Variants in DNAH5 observed in about 807,000 individuals in gnomAD.
DNAH5 encodes dynein axonemal heavy chain 5, also known as axonemal beta dynein heavy chain 5.
A neutral mutation model predicts 518.2 loss-of-function variants in DNAH5; 372 were observed. The ratio of observed to expected loss-of-function variants is 0.72; its 90% CI spans 0.66 to 0.78. DNAH5 has a LOEUF of 0.78. Ranked by LOEUF, DNAH5 falls within the 30% of genes least tolerant of loss-of-function variation. DNAH5 has a pLI of 0.00. For missense variants in DNAH5, 5,523 were observed against 5,687.0 expected, an observed-to-expected ratio of 0.97 and a Z score of 0.93; for synonymous variants, 2,039 against 2,025.9, an observed-to-expected ratio of 1.01 and a Z score of -0.17.
rs1561141928 is a variant in DNAH5, at chr5:13,737,277, G to C, written c.11430C>G (p.Asn3810Lys). Residue 3810 changes from asparagine (N) to lysine (K), a missense_variant, in exon 66 of 79, where the codon AAC (asparagine) becomes AAG (lysine). Asn to Lys is a moderately conservative substitution (Grantham distance 94). Transcript: ENST00000265104. ...CAGGTCTGTATTCCTCCCGGGCTGA[G>C]TTAATTTGAACTTCTGTCTCAGCAG... ...EISAETEVQI[N>K]SAREEYRPVA... is the part of the protein sequence containing the mutation. 6.2e-7 allele frequency: 1 copy of C among 1,614,078 alleles called. No individual in the cohort carries two copies. The highest frequency in any genetic ancestry group is 1.7e-5 in the Admixed American group (1 of 60,020).
At chr5:13,814,511 A>G (rs559159781) in intron 43 of DNAH5, 94 bp downstream of exon 43, 9 of 1,248,612 alleles carry the variant, frequency 7.2e-6, no homozygotes, top group African/African-American at 6.0e-5. Flanking sequence ...ATGCAGTTAC[A>G]CTGCCATCTG....
intron 61 of DNAH5, among the ~76,000 whole-genome samples, chr5:13,755,201 C>T (rs1328027292): frequency 6.6e-6 from 1 of 152,070 alleles, no homozygotes; most frequent in Non-Finnish European, 1.5e-5. Flanking sequence ...AAAATCTAAA[C>T]TTATGAAATA....
chr5:13,840,761 C>CTG (rs1421092377), intron 34 of DNAH5, 145 bp downstream of exon 34: 8 of 669,786 alleles, frequency 1.2e-5, no homozygotes, highest in Admixed American at 2.6e-5. Flanking sequence ...GAAAAGAAAG[C>CTG]TGATAAGCTC....
intron 53 of DNAH5, among the ~76,000 whole-genome samples, chr5:13,777,574 GA>G (rs1754298808): frequency 6.6e-6 from 1 of 152,098 alleles, no homozygotes; most frequent in Non-Finnish European, 1.5e-5. Context: ...AAACTATACT[GA>G]AAAGTCAACC....
At chr5:13,759,739 T>C (rs1751519661) in intron 60 of DNAH5, among the ~76,000 whole-genome samples, 1 of 152,232 alleles carries the variant, frequency 6.6e-6, no homozygotes, top group Admixed American at 6.5e-5. Flanking sequence ...AAGTAGTTCA[T>C]GCCTAAGAAA....
intron 12 of DNAH5, among the ~76,000 whole-genome samples, chr5:13,904,054 C>T (rs1251940231): frequency 6.6e-6 from 1 of 151,674 alleles, no homozygotes; most frequent in African/African-American, 2.4e-5. Flanking sequence ...GAGAGGTAGG[C>T]TGATAAAACA....
At chr5:13,785,691 C>T (rs939758172) in intron 52 of DNAH5, among the ~76,000 whole-genome samples, 8 of 152,322 alleles carry the variant, frequency 5.3e-5, no homozygotes, top group African/African-American at 1.9e-4. Context: ...CCACCCAACC[C>T]TGGAATTCTC....
At chr5:13,954,702 G>C (rs938180776) in intron 1 of DNAH5, among the ~76,000 whole-genome samples, 4 of 152,180 alleles carry the variant, frequency 2.6e-5, no homozygotes, top group Non-Finnish European at 5.9e-5. Context: ...ACTCGAATCT[G>C]TTCCAACAGA....
At chr5:14,001,569 T>C (rs1423269958) in intron 1 of DNAH5, among the ~76,000 whole-genome samples, 2 of 151,952 alleles carry the variant, frequency 1.3e-5, no homozygotes, top group African/African-American at 4.8e-5. Flanking sequence ...TTCACTGTGT[T>C]AGCCAGAATG....
At chr5:13,985,430 A>AAAATATATAT (rs1554006218) in intron 1 of DNAH5, among the ~76,000 whole-genome samples, 10 of 127,346 alleles carry the variant, frequency 7.9e-5, no homozygotes, top group Non-Finnish European at 1.3e-4. Flanking sequence ...AGTATAATAA[A>AAAATATATAT]ATATATATAT....
rs768902025 is a variant in DNAH5 at position 13,714,567 on chromosome 5, G to A, written c.12963C>T (p.Asp4321=). The change falls in exon 75 of 79, where the codon GAC becomes GAT. Residue 4321 remains aspartate (D), a synonymous_variant. Coordinates refer to ENST00000265104, the MANE Select transcript of DNAH5 (RefSeq NM_001369.3). The part of the protein sequence containing the change: ...PEVFGLHPNA[D]ITYQSKLAKD... Reference sequence around the variant, plus strand: ...TGGCCAGCTTGCTCTGGTAGGTGATGTCAGCATTGGGGTGCAGCCCAAACA... The same window carrying A: ...TGGCCAGCTTGCTCTGGTAGGTGATATCAGCATTGGGGTGCAGCCCAAACA... 1.9e-6 allele frequency: 3 copies of A among 1,614,174 alleles called. No homozygotes were observed. Among genetic ancestry groups the A allele is most frequent in the Non-Finnish European group, 2.5e-6 (3 of 1,180,018 alleles).
In DNAH5 at chr5:13,753,258, T is replaced by C; in HGVS notation, c.10847A>G (p.Asn3616Ser). The C allele has an allele frequency of 6.2e-7, 1 of 1,613,930 alleles. No homozygotes were observed. The highest frequency in any genetic ancestry group is 8.5e-7 in the Non-Finnish European group (1 of 1,179,834). Residue 3616 changes from asparagine (N) to serine (S), a missense_variant, in exon 63 of 79, where the codon AAT becomes AGT. Physicochemically the swap from Asn to Ser is conservative, Grantham distance 46. Transcript: ENST00000265104. ...PQTQGKIWIK[N>S]KESRNELQIT... ...CTGGAGTTCATTTCGGCTTTCTTTA[T>C]TTTTAATCCAGATCTTGCCTTGAGT...
chr5:13,866,161 G>C, intron 26 of DNAH5, 59 bp downstream of exon 26: 2 of 1,499,336 alleles, frequency 1.3e-6, no homozygotes, highest in South Asian at 2.3e-5. Flanking sequence ...AAACATATGT[G>C]TGTTTAAAAC....
intron 40 of DNAH5, among the ~76,000 whole-genome samples, chr5:13,822,452 A>G (rs1762349521): frequency 1.3e-5 from 2 of 152,066 alleles, no homozygotes; most frequent in African/African-American, 4.8e-5. Context: ...GGGTTTCACC[A>G]TGTTGCCTAG....
chr5:13,847,723 C>CA (rs754243517), intron 31 of DNAH5, among the ~76,000 whole-genome samples: 2,076 of 91,984 alleles, frequency 0.023, 14 homozygotes, highest in Non-Finnish European at 0.027. Context: ...GACCTCATCT[C>CA]AAAAAAAAAA....
chr5:13,947,539 C>A (rs891177395), upstream of DNAH5, among the ~76,000 whole-genome samples: 1 of 152,142 alleles, frequency 6.6e-6, no homozygotes, highest in African/African-American at 2.4e-5. Context: ...TTTTTATCTG[C>A]AAAAGAGTTA....
At position 13,691,859 on chromosome 5, in the gene DNAH5, C is replaced by T; in HGVS notation, c.*125G>A. ...CATCCAATTAAGGAGTGGGGAAAAC[C>T]TATGCAGCTCATTAATTGCATAAAC... On this transcript the variant is annotated 3_prime_UTR_variant, in exon 79 of 79. Coordinates refer to ENST00000265104, the MANE Select transcript of DNAH5 (RefSeq NM_001369.3). 8.7e-7 allele frequency: 1 copy of T among 1,149,278 alleles called. No individual in the cohort carries two copies. The highest frequency in any genetic ancestry group is 1.3e-6 in the Non-Finnish European group (1 of 784,590). 71.2% of individuals were successfully genotyped at this position (1,149,278 alleles called of 1,614,324 possible).
At position 13,841,736 on chromosome 5, in the gene DNAH5, T is replaced by C. The variant is rs764599382; in HGVS notation, c.5440A>G (p.Thr1814Ala). The C allele has an allele frequency of 1.2e-6, 2 of 1,614,036 alleles. No homozygotes were observed. The highest frequency in any genetic ancestry group is 1.7e-6 in the Non-Finnish European group (2 of 1,179,960). ...IRQAAANIQETGFQLTEFLSS... is the reference protein window; with the variant it reads ...IRQAAANIQEAGFQLTEFLSS... ...AGAAATTCAGTTAGTTGGAAACCTG[T>C]TTCTTGAATATTTGCGGCTGCCTGG... The change falls in exon 33 of 79, where the codon ACA becomes GCA. Residue 1814 changes from threonine (T) to alanine (A), a missense_variant. Thr to Ala is a moderately conservative substitution (Grantham distance 58, BLOSUM62 0). Coordinates refer to ENST00000265104, the MANE Select transcript of DNAH5 (RefSeq NM_001369.3).
intron 69 of DNAH5, among the ~76,000 whole-genome samples, chr5:13,728,439 T>C (rs1275685203): frequency 2.0e-5 from 3 of 152,180 alleles, no homozygotes; most frequent in African/African-American, 4.8e-5. Context: ...GAAAGTACCA[T>C]GTAAGAATAA....
Sources: gnomAD v4.1 joint callset for allele counts (sites outside exome capture counted in the v4.1 genomes callset) on GRCh38, gnomAD v4.1.1 for gene constraint, MANE v1.5 for transcripts, NCBI Gene and HGNC (gene_info 2026-07-23, HGNC 2026-07-21) for gene names.